BEST3: variants seen among roughly 807,000 people sequenced by gnomAD.
BEST3 encodes the protein bestrophin-3.
Under a neutral mutation model 47.1 loss-of-function variants are expected in BEST3, and 50 were observed. The ratio of observed to expected loss-of-function variants is 1.06; its 90% CI spans 0.85 to 1.34. BEST3 has a LOEUF of 1.34. BEST3 is among the 40% of genes most tolerant of loss of function. The pLI is 0.00. For missense variants in BEST3, 765 were observed against 817.0 expected (o/e 0.94, Z 0.78); for synonymous variants, 282 against 298.8 (o/e 0.94, Z 0.58).
chr12:69,684,738 G>A (rs1333124263), intron 4 of BEST3: 3 of 457,108 alleles, frequency 6.6e-6, no homozygotes, highest in Non-Finnish European at 8.1e-6. Context: ...GAAGCCACCA[G>A]CTTCAGCTAC....
intron 9 of BEST3, 48 bp from the exon 10 acceptor site, chr12:69,655,861 A>G (rs1290848344): frequency 6.5e-7 from 1 of 1,534,406 alleles, no homozygotes; most frequent in Non-Finnish European, 8.7e-7. Context: ...TCGGGGGCCT[A>G]GCTTTGGGGG....
intron 3 of BEST3, 69 bp downstream of exon 3, chr12:69,694,301 G>T: frequency 2.1e-6 from 2 of 951,352 alleles, no homozygotes; most frequent in South Asian, 1.7e-5. Context: ...ACACTCCCAT[G>T]CAGAGTCATC....
At chr12:69,660,873 G>A (rs1883831352) in intron 9 of BEST3, 1 of 152,192 alleles carries the variant, frequency 6.6e-6, no homozygotes, top group Non-Finnish European at 1.5e-5. Context: ...AATCTCAAGT[G>A]TTAATAAAAA....
In BEST3 at chr12:69,655,699, G is replaced by A. The variant is rs1883437853; in HGVS notation, c.1215C>T (p.Pro405=). 1.9e-6 allele frequency: 3 copies of A among 1,613,854 alleles called. No homozygotes were observed. Among genetic ancestry groups the A allele is most frequent in the Non-Finnish European group, 2.5e-6 (3 of 1,179,984 alleles). Residue 405 remains proline, a synonymous_variant, in exon 10 of 10, where the codon CCC becomes CCT. Coordinates refer to ENST00000330891, the MANE Select transcript of BEST3 (RefSeq NM_032735.3). ...TGTAGCTTCTTCTTCTGGGGCTGGAGGGGTGTTCGTGGGCACTCAGGAACC... is the reference window on the plus strand; with the variant it reads ...TGTAGCTTCTTCTTCTGGGGCTGGAAGGGTGTTCGTGGGCACTCAGGAACC... The part of the protein sequence containing the change: ...VKRFLSAHEH[P]SSPRRRSYRR...
At chr12:69,679,362 A>G (rs983614411) in intron 4 of BEST3, among the ~76,000 whole-genome samples, 1 of 152,202 alleles carries the variant, frequency 6.6e-6, no homozygotes, top group Non-Finnish European at 1.5e-5. Flanking sequence ...CTACTTAATC[A>G]TGTCCTCCTC....
rs756789055 is a variant in BEST3, at chr12:69,654,985, C to T, written c.1929G>A (p.Leu643=). The part of the protein sequence containing the change: ...VAGSRVSSDM[L]YLMENLDTKE... Reference sequence around the variant, plus strand: ...TGGTGTCCAGGTTTTCCATTAAATACAGCATATCAGAAGAGACTCGAGAGC... The same window carrying T: ...TGGTGTCCAGGTTTTCCATTAAATATAGCATATCAGAAGAGACTCGAGAGC... Residue 643 remains leucine, a synonymous_variant, in exon 10 of 10, where the codon CTG becomes CTA. Transcript: ENST00000330891. The T allele has an allele frequency of 6.2e-7, 1 of 1,614,074 alleles. No homozygotes were observed. Among genetic ancestry groups the T allele is most frequent in the Non-Finnish European group, 8.5e-7 (1 of 1,179,994 alleles).
At chr12:69,650,543 A>G (rs1378717331), downstream of BEST3, among the ~76,000 whole-genome samples, 1 of 152,218 alleles carries the variant, frequency 6.6e-6, no homozygotes, top group East Asian at 1.9e-4. Flanking sequence ...GGCAGGGGGA[A>G]TTAGGTTTCA....
At chr12:69,667,998 A>G (rs1335997022) in intron 9 of BEST3, among the ~76,000 whole-genome samples, 1 of 152,226 alleles carries the variant, frequency 6.6e-6, no homozygotes, top group Non-Finnish European at 1.5e-5. Context: ...AAATAGGGCC[A>G]TGTTTTGAAC....
At chr12:69,686,774 A>AAAAACAAAAAAAAAAAG in intron 4 of BEST3, among the ~76,000 whole-genome samples, 1 of 105,350 alleles carries the variant, frequency 9.5e-6, no homozygotes, top group Non-Finnish European at 2.0e-5. Context: ...TCTGCCTCAA[A>AAAAACAAAAAAAAAAAG]AAAACAAAAA....
At position 69,678,820 on chromosome 12, in the gene BEST3, G is replaced by A. The variant is rs1299807227; in HGVS notation, c.555C>T (p.Phe185=). Residue 185 remains phenylalanine (F), a synonymous_variant, in exon 5 of 10, where the codon TTC becomes TTT. Coordinates refer to ENST00000330891, the MANE Select transcript of BEST3 (RefSeq NM_032735.3). ...TAGTTGCAAGATTTCCAAACCAGAT[G>A]AATGGAACCCAATATTTCAGATGAG... ...KSPHLKYWVP[F]IWFGNLATKA... The A allele has an allele frequency of 8.1e-6, 13 of 1,613,818 alleles. No individual in the cohort carries two copies. Among genetic ancestry groups the A allele is most frequent in the African/African-American group, 6.7e-5 (5 of 74,908 alleles).
chr12:69,671,943 T>C (rs996102398), intron 8 of BEST3, among the ~76,000 whole-genome samples: 1 of 152,218 alleles, frequency 6.6e-6, no homozygotes, highest in Admixed American at 6.5e-5. Flanking sequence ...CCCCAAATAT[T>C]ACAGGAAGGT....
chr12:69,673,242 G>A (rs1884695636), intron 7 of BEST3, among the ~76,000 whole-genome samples: 1 of 152,192 alleles, frequency 6.6e-6, no homozygotes, highest in African/African-American at 2.4e-5. Context: ...GTCCTATTTA[G>A]GAGCCAAATC....
At chr12:69,648,209 C>T (rs1403075696) in intron 9 of BEST3, among the ~76,000 whole-genome samples, 1 of 152,052 alleles carries the variant, frequency 6.6e-6, no homozygotes, top group Non-Finnish European at 1.5e-5. Flanking sequence ...TCCCTAGGTT[C>T]TCTGGAGGGA....
At chr12:69,674,792 A>G (rs1884797563) in intron 7 of BEST3, among the ~76,000 whole-genome samples, 1 of 152,216 alleles carries the variant, frequency 6.6e-6, no homozygotes, top group Admixed American at 6.5e-5. Context: ...CATAAGGTTA[A>G]GATAGCTTTT....
intron 4 of BEST3, among the ~76,000 whole-genome samples, chr12:69,682,989 A>C (rs1885344800): frequency 6.6e-6 from 1 of 152,256 alleles, no homozygotes; most frequent in African/African-American, 2.4e-5. Context: ...TCTAACAGTT[A>C]TATTCTTGAG....
intron 4 of BEST3, chr12:69,684,591 G>A (rs954998437): frequency 4.4e-6 from 3 of 681,410 alleles, no homozygotes; most frequent in Admixed American, 4.0e-5. Context: ...GGCAGAATGG[G>A]TTTCATGCCA....
chr12:69,695,715 G>A (rs1340835313), intron 2 of BEST3, among the ~76,000 whole-genome samples: 2 of 152,140 alleles, frequency 1.3e-5, no homozygotes, highest in Non-Finnish European at 2.9e-5. Flanking sequence ...TGGACTTTGA[G>A]CATATTTTTG....
intron 4 of BEST3, among the ~76,000 whole-genome samples, chr12:69,681,409 A>T (rs1316245944): frequency 6.6e-6 from 1 of 151,960 alleles, no homozygotes; most frequent in East Asian, 1.9e-4. Flanking sequence ...TTAGGCCAGG[A>T]GTTTGTGACC....
Position 69,699,234 on chromosome 12 carries a change from G to A in BEST3, c.-45C>T, listed in dbSNP as rs1886235079. The A allele has an allele frequency of 1.0e-6, 1 of 985,290 alleles. No homozygotes were observed. The highest frequency in any genetic ancestry group is 1.2e-6 in the Non-Finnish European group (1 of 829,936). 61.0% of individuals were successfully genotyped at this position (985,290 alleles called of 1,614,324 possible). A position where few individuals can be genotyped will look rare whatever the true frequency, so the allele number is the denominator to read the frequency against. On this transcript the variant is annotated 5_prime_UTR_variant, in exon 1 of 10. Coordinates refer to ENST00000330891, the MANE Select transcript of BEST3 (RefSeq NM_032735.3). ...TTATTTGGTTTGTAGTCTCCGACAG[G>A]AAAGAGAATCTTCAAATTTCGGGCT... is the stretch of plus-strand genomic sequence containing the variant.
Sources: allele counts gnomAD v4.1 joint callset (sites outside exome capture counted in the v4.1 genomes callset), GRCh38; gene constraint gnomAD v4.1.1; transcripts MANE v1.5; gene names NCBI Gene and HGNC (gene_info 2026-07-23, HGNC 2026-07-21).